Variants in IGF2R observed in about 807,000 individuals in gnomAD.
The protein encoded by IGF2R is cation-independent mannose-6-phosphate receptor.
IGF2R carries 91 observed loss-of-function variants against 270.6 expected under a neutral mutation model. That is an observed-to-expected ratio of 0.34 (90% confidence interval 0.28 to 0.40). The LOEUF is 0.40. IGF2R is among the 10% of genes least tolerant of loss of function. The pLI is 1.00. For synonymous variants in IGF2R, 1,316 were observed against 1,258.9 expected, an observed-to-expected ratio of 1.05 and a Z score of -0.96; for missense variants, 2,805 against 3,188.3, an observed-to-expected ratio of 0.88 and a Z score of 2.90.
intron 4 of IGF2R, among the ~76,000 whole-genome samples, chr6:160,023,168 A>G: frequency 6.6e-6 from 1 of 152,104 alleles, no homozygotes; most frequent in East Asian, 1.9e-4. Flanking sequence ...TGCAGGCAAG[A>G]GATTATGGTG....
At chr6:160,090,884 G>A (rs1055205619) in intron 44 of IGF2R, among the ~76,000 whole-genome samples, 5 of 149,872 alleles carry the variant, frequency 3.3e-5, no homozygotes, top group Non-Finnish European at 4.5e-5. Flanking sequence ...CAGGTGCTCC[G>A]TGCCCTGGTG....
intron 19 of IGF2R, among the ~76,000 whole-genome samples, chr6:160,054,672 C>T (rs990596335): frequency 6.6e-6 from 1 of 152,158 alleles, no homozygotes; most frequent in African/African-American, 2.4e-5. Flanking sequence ...TCTCTGGAGT[C>T]CCCTTGGCTA....
chr6:160,093,164 C>T, intron 44 of IGF2R: 1 of 161,692 alleles, frequency 6.2e-6, no homozygotes, highest in Admixed American at 6.0e-5. Context: ...GTTCCCAGCA[C>T]CCACGTGTGG....
intron 41 of IGF2R, among the ~76,000 whole-genome samples, chr6:160,086,523 G>A (rs776403876): frequency 2.6e-5 from 4 of 152,162 alleles, no homozygotes; most frequent in African/African-American, 9.7e-5. Flanking sequence ...GTTGTCATCC[G>A]TTTCACAGGC....
Position 159,969,296 on chromosome 6 carries a change from G to T in IGF2R, c.50G>T (p.Arg17Leu). Reference sequence around the variant, plus strand: ...CCCCACCTGGGGCCCGCGCCCGCCCGCCGCCCGCAGCGCTCTCTGCTCCTG... The same window carrying T: ...CCCCACCTGGGGCCCGCGCCCGCCCTCCGCCCGCAGCGCTCTCTGCTCCTG... ...RSPHLGPAPA[R>L]RPQRSLLLLQ... Residue 17 changes from arginine (R) to leucine (L), a missense_variant, in exon 1 of 48, where the codon CGC becomes CTC. Arg to Leu is a moderately radical substitution (Grantham distance 102, BLOSUM62 -2). This residue lies in a region of IGF2R where 954 missense variants were observed against 981.1 expected (regional missense o/e 0.97). Transcript: ENST00000356956. 1 of 1,227,110 alleles carries T rather than the reference G, an allele frequency of 8.1e-7. No individual in the cohort carries two copies. Among genetic ancestry groups the T allele is most frequent in the Non-Finnish European group, 1.0e-6 (1 of 981,484 alleles). 76.0% of individuals were successfully genotyped at this position (1,227,110 alleles called of 1,614,324 possible). A position where few individuals can be genotyped will look rare whatever the true frequency, so the allele number is the denominator to read the frequency against.
rs202147312 is a variant in IGF2R at position 160,047,883 on chromosome 6, C to T, written c.2321C>T (p.Thr774Met). The change falls in exon 17 of 48, where the codon ACG becomes ATG. Residue 774 changes from threonine to methionine, a missense_variant. By Grantham distance (81) the Thr-to-Met change is moderately conservative. Transcript: ENST00000356956. ...PLECVVTDPS[T>M]LEQYDLSSLA... ...GAATGCGTAGTGACCGACCCCTCCA[C>T]GCTGGAGCAGTACGACCTCTCCAGG... The T allele has an allele frequency of 6.4e-5, 104 of 1,613,024 alleles. No individual in the cohort carries two copies. Among genetic ancestry groups the T allele is most frequent in the Middle Eastern group, 1.6e-4 (1 of 6,080 alleles).
chr6:159,980,207 GA>G (rs766815948), intron 1 of IGF2R, among the ~76,000 whole-genome samples: 1 of 93,236 alleles, frequency 1.1e-5, no homozygotes, highest in African/African-American at 4.3e-5. Context: ...AAGAAAGAAA[GA>G]AAGAAAGAAA....
At chr6:159,985,509 G>C (rs1783868027) in intron 1 of IGF2R, among the ~76,000 whole-genome samples, 1 of 152,230 alleles carries the variant, frequency 6.6e-6, no homozygotes, top group South Asian at 2.1e-4. Flanking sequence ...GAGCCGTGCT[G>C]TCATGCGTTC....
chr6:160,019,308 C>CAAACA (rs757801022), intron 4 of IGF2R, among the ~76,000 whole-genome samples: 11 of 152,064 alleles, frequency 7.2e-5, no homozygotes, highest in African/African-American at 1.2e-4. Flanking sequence ...AAAAACAAAA[C>CAAACA]AAACAAAACA....
chr6:160,058,699 A>C (rs1778365429), intron 21 of IGF2R, among the ~76,000 whole-genome samples: 1 of 152,242 alleles, frequency 6.6e-6, no homozygotes, highest in African/African-American at 2.4e-5. Context: ...TGATGTATAG[A>C]TACTAAACCT....
chr6:160,111,266 A>G lies in IGF2R; in HGVS notation c.*6182A>G, dbSNP rs1431863340. 6.6e-6 allele frequency: 1 copy of G among 151,772 alleles called. No individual in the cohort carries two copies. The highest frequency in any genetic ancestry group is 1.5e-5 in the Non-Finnish European group (1 of 67,966). 9.4% of individuals were successfully genotyped at this position (151,772 alleles called of 1,614,324 possible). On this transcript the variant is annotated 3_prime_UTR_variant, in exon 48 of 48. Coordinates refer to ENST00000356956, the MANE Select transcript of IGF2R (RefSeq NM_000876.4). ...TTTTTTTCTGTAAAAGTTACACCCG[A>G]TGCGTCAGCCCCTTCTTCTACCTCT... is the stretch of plus-strand genomic sequence containing the variant.
intron 1 of IGF2R, among the ~76,000 whole-genome samples, chr6:159,980,318 A>C (rs972479632): frequency 2.0e-5 from 3 of 152,180 alleles, no homozygotes; most frequent in Non-Finnish European, 4.4e-5. Flanking sequence ...TGAGCATGGT[A>C]GCTGCTTTTC....
At chr6:159,980,548 A>T (rs1298954166) in intron 1 of IGF2R, among the ~76,000 whole-genome samples, 1 of 152,178 alleles carries the variant, frequency 6.6e-6, no homozygotes, top group Non-Finnish European at 1.5e-5. Flanking sequence ...CTGCTGTCTG[A>T]TGTTTGGCTC....
intron 12 of IGF2R, among the ~76,000 whole-genome samples, chr6:160,043,951 C>T (rs1778008338): frequency 6.6e-6 from 1 of 152,172 alleles, no homozygotes; most frequent in Admixed American, 6.5e-5. Flanking sequence ...CAGGTTCAGG[C>T]ATGTCCATGT....
In IGF2R at chr6:160,111,181, A is replaced by G. The variant is rs1273635918; in HGVS notation, c.*6097A>G. On this transcript the variant is annotated 3_prime_UTR_variant, in exon 48 of 48. Transcript: ENST00000356956. ...AAACATCATGTTGTACAACATAAGT[A>G]TACAATTGACCCTTGAACAATACAG... The G allele has an allele frequency of 6.6e-6, 1 of 152,136 alleles. No homozygotes were observed. The highest frequency in any genetic ancestry group is 6.5e-5 in the Admixed American group (1 of 15,282). The allele number at this position is 152,136 out of a possible 1,614,324, so 9.4% of individuals were successfully genotyped here.
rs548550255 is a variant in IGF2R at position 160,060,640 on chromosome 6, A to G, written c.3185A>G (p.Gln1062Arg). 1 of 1,614,268 alleles carries G rather than the reference A, an allele frequency of 6.2e-7. No individual in the cohort carries two copies. The highest frequency in any genetic ancestry group is 1.3e-5 in the African/African-American group (1 of 75,068). The change falls in exon 23 of 48, where the codon CAA becomes CGA. Residue 1062 changes from glutamine to arginine, a missense_variant. Transcript: ENST00000356956. ...KFLHQDIDSG[Q>R]GIRNTYFEFE... is the part of the protein sequence containing the mutation. The stretch of plus-strand genomic sequence containing the variant: ...CTGCATCAAGATATCGACTCTGGGC[A>G]AGGGATCCGAAACACTTACTTTGAG...
At position 160,079,615 on chromosome 6, in the gene IGF2R, G is replaced by C. The variant is rs749760025; in HGVS notation, c.5514G>C (p.Val1838=). ...ACTCGCGCACCTACAGCGTTGGGGT[G>C]TGCACCTTTGCAGTCGGGCCAGAAC... ...TRDSRTYSVG[V]CTFAVGPEQG... is the part of the protein sequence containing the mutation. Residue 1838 remains valine, a synonymous_variant, in exon 38 of 48, where the codon GTG becomes GTC. Transcript: ENST00000356956. The C allele has an allele frequency of 8.5e-6, 13 of 1,537,426 alleles. No individual in the cohort carries two copies. In the South Asian group the frequency reaches 1.6e-4, roughly 19 times the overall value.
At chr6:160,092,909 G>A (rs1456574853) in intron 44 of IGF2R, among the ~76,000 whole-genome samples, 1 of 152,194 alleles carries the variant, frequency 6.6e-6, no homozygotes, top group Non-Finnish European at 1.5e-5. Flanking sequence ...TTCATGCAAG[G>A]AGTCCACACA....
chr6:160,047,164 AGAAG>A lies in IGF2R; in HGVS notation c.2058_2061del (p.Lys687LeufsTer6). On this transcript the variant is annotated frameshift_variant, in exon 16 of 48. Coordinates refer to ENST00000356956, the MANE Select transcript of IGF2R (RefSeq NM_000876.4). LOFTEE classifies it high-confidence loss of function. ...GAAACGTGTGTTTATTTCAGTGATG[AGAAG>A]ACTTGGAACTTGGGTCTGAGTAATG... 1 of 1,614,000 alleles carries A rather than the reference AGAAG, an allele frequency of 6.2e-7. No individual in the cohort carries two copies. Among genetic ancestry groups the A allele is most frequent in the African/African-American group, 1.3e-5 (1 of 75,018 alleles).
Sources: allele counts gnomAD v4.1 joint callset (sites outside exome capture counted in the v4.1 genomes callset), GRCh38; gene constraint gnomAD v4.1.1; regional missense constraint gnomAD v4.1.1; transcripts MANE v1.5; gene names NCBI Gene and HGNC (gene_info 2026-07-23, HGNC 2026-07-21).